SLC36A2: variants seen among roughly 807,000 people sequenced by gnomAD.
SLC36A2 encodes the protein solute carrier family 36 member 2, also known as proton-coupled amino acid transporter 2.
Under a neutral mutation model 42.7 loss-of-function variants are expected in SLC36A2, and 39 were observed. The observed-to-expected ratio is 0.91, with a 90% CI of 0.71 to 1.19. The LOEUF is 1.19. Ranked by LOEUF, SLC36A2 falls within the 50% of genes most tolerant of loss-of-function variation. SLC36A2 has a pLI of 0.00. For missense variants in SLC36A2, 590 were observed against 613.7 expected, an observed-to-expected ratio of 0.96 and a Z score of 0.41; for synonymous variants, 237 against 240.8, an observed-to-expected ratio of 0.98 and a Z score of 0.15.
intron 6 of SLC36A2, among the ~76,000 whole-genome samples, chr5:151,334,288 G>T (rs1218417334): frequency 6.6e-6 from 1 of 152,192 alleles, no homozygotes; most frequent in African/African-American, 2.4e-5. Context: ...CACGGACAAT[G>T]TAACTTTTTT....
intron 7 of SLC36A2, among the ~76,000 whole-genome samples, chr5:151,329,629 T>C (rs1755942611): frequency 6.6e-6 from 1 of 151,972 alleles, no homozygotes; most frequent in South Asian, 2.1e-4. Flanking sequence ...AATGGAAATA[T>C]TATAACTGGA....
chr5:151,338,726 A>G (rs1756231423), intron 5 of SLC36A2: 1 of 240,480 alleles, frequency 4.2e-6, no homozygotes, highest in South Asian at 5.6e-5. Flanking sequence ...ACTAGGAATC[A>G]TCAAAAGAAG....
At chr5:151,338,787 G>A in intron 5 of SLC36A2, 3 of 337,786 alleles carry the variant, frequency 8.9e-6, no homozygotes, top group South Asian at 2.9e-5. Flanking sequence ...CAAGGCAGGA[G>A]GATTAACAAA....
intron 7 of SLC36A2, 108 bp downstream of exon 7, chr5:151,333,116 A>C: frequency 1.0e-6 from 1 of 1,002,412 alleles, no homozygotes; most frequent in Non-Finnish European, 1.6e-6. Flanking sequence ...ATTTTCTAGC[A>C]GGCCCAAAAC....
chr5:151,319,919 C>T (rs1277625133), intron 9 of SLC36A2: 1 of 152,164 alleles, frequency 6.6e-6, no homozygotes. Context: ...CTTCACATCT[C>T]AGAGAATATA....
rs775281043 is a variant in SLC36A2 at position 151,316,911 on chromosome 5, A to G, written c.1358T>C (p.Val453Ala). 2.7e-5 allele frequency: 43 copies of G among 1,614,132 alleles called. 1 individual carries two copies. In the South Asian group the frequency reaches 4.6e-4, roughly 17 times the overall value. ...KDALISILGF[V>A]GFVVGTYQAL... Reference sequence around the variant, plus strand: ...CTGGTAGGTCCCCACCACAAAGCCCACGAAGCCCAGGATGCTGATCAGGGC... The same window carrying G: ...CTGGTAGGTCCCCACCACAAAGCCCGCGAAGCCCAGGATGCTGATCAGGGC... Residue 453 changes from valine (V) to alanine (A), a missense_variant, in exon 10 of 10, where the codon GTG (valine) becomes GCG (alanine). Coordinates refer to ENST00000335244, the MANE Select transcript of SLC36A2 (RefSeq NM_181776.3).
chr5:151,332,995 G>C (rs1051570600), intron 7 of SLC36A2, among the ~76,000 whole-genome samples: 1 of 152,186 alleles, frequency 6.6e-6, no homozygotes, highest in Non-Finnish European at 1.5e-5. Flanking sequence ...TAATAGGCAT[G>C]TGGGGACAAA....
intron 3 of SLC36A2, among the ~76,000 whole-genome samples, chr5:151,343,233 C>T (rs1399458693): frequency 1.3e-5 from 2 of 152,152 alleles, no homozygotes. Context: ...GTTTTCATAT[C>T]CATGATCCCA....
chr5:151,336,162 A>G (rs1756150295), intron 5 of SLC36A2, among the ~76,000 whole-genome samples: 2 of 152,240 alleles, frequency 1.3e-5, no homozygotes, highest in Non-Finnish European at 2.9e-5. Flanking sequence ...CATTGAATGC[A>G]GCCTTTGAGG....
At chr5:151,329,664 A>G (rs1580851285) in intron 7 of SLC36A2, among the ~76,000 whole-genome samples, 2 of 152,022 alleles carry the variant, frequency 1.3e-5, no homozygotes, top group East Asian at 3.9e-4. Context: ...TAAATAACTG[A>G]CTGTAGGGGC....
At chr5:151,343,764 A>G (rs1756415327) in intron 2 of SLC36A2, among the ~76,000 whole-genome samples, 166 bp from the exon 3 acceptor site, 1 of 152,226 alleles carries the variant, frequency 6.6e-6, no homozygotes, top group Non-Finnish European at 1.5e-5. Flanking sequence ...TCTTTCAAAT[A>G]TGACCTCAAG....
At chr5:151,336,663 A>G (rs573518576) in intron 5 of SLC36A2, among the ~76,000 whole-genome samples, 1 of 151,990 alleles carries the variant, frequency 6.6e-6, no homozygotes, top group East Asian at 1.9e-4. Context: ...AGCATGCCCA[A>G]TCATTGTGAT....
In SLC36A2 at chr5:151,343,445, G is replaced by A; in HGVS notation, c.344+65C>T. 5 of 1,481,786 alleles carry A rather than the reference G, an allele frequency of 3.4e-6. No homozygotes were observed. In the South Asian group the frequency reaches 4.5e-5, roughly 13 times the overall value. The allele number at this position is 1,481,786 out of a possible 1,614,324, so 91.8% of individuals were successfully genotyped here. A position where few individuals can be genotyped will look rare whatever the true frequency, so the allele number is the denominator to read the frequency against. On this transcript the variant is annotated intron_variant, in intron 3 of 9. Coordinates refer to ENST00000335244, the MANE Select transcript of SLC36A2 (RefSeq NM_181776.3). ...AGTAAATTTCTATTATGCATAGGAT[G>A]TTTCTGGGCTATCCCTGAGAACCAT... is the stretch of plus-strand genomic sequence containing the variant.
chr5:151,337,540 T>C (rs148316016), intron 5 of SLC36A2, among the ~76,000 whole-genome samples: 15 of 152,338 alleles, frequency 9.8e-5, no homozygotes, highest in African/African-American at 3.6e-4. Flanking sequence ...TAAATGCAGG[T>C]AACAATAAAT....
chr5:151,327,999 A>G (rs1755898214), intron 7 of SLC36A2, among the ~76,000 whole-genome samples: 1 of 152,246 alleles, frequency 6.6e-6, no homozygotes, highest in Non-Finnish European at 1.5e-5. Flanking sequence ...TCACAAGCAC[A>G]TAATAGGCAT....
rs771872498 is a variant in SLC36A2 at position 151,339,080 on chromosome 5, A to G, written c.505T>C (p.Leu169=). Residue 169 remains leucine, a synonymous_variant, in exon 5 of 10, where the codon TTG becomes CTG. Coordinates refer to ENST00000335244, the MANE Select transcript of SLC36A2 (RefSeq NM_181776.3). ...TCTACCTGTTTTAAATTATCAGCCA[A>G]AAACACAATGTACACACAGCAGAAG... ...LGFCCVYIVF[L]ADNLKQVVEA... 1.7e-5 allele frequency: 27 copies of G among 1,610,534 alleles called. No individual in the cohort carries two copies. In the Admixed American group the frequency reaches 2.2e-4, roughly 13 times the overall value.
rs184320290 is a variant in SLC36A2, at chr5:151,333,660, G to A, written c.745-338C>T. Among the ~76,000 whole-genome samples, 34 of 152,144 alleles carry A rather than the reference G, an allele frequency of 2.2e-4. 1 individual carries two copies. In the East Asian group the frequency reaches 6.4e-3, roughly 29 times the overall value. On this transcript the variant is annotated intron_variant, in intron 6 of 9. Transcript: ENST00000335244. ...AGGCAGATCACGAGGTCAGGAGTTC[G>A]AGACCAGCCTGGCCAACATGGTGAA...
chr5:151,330,409 G>A lies in SLC36A2; in HGVS notation c.843+2815C>T, dbSNP rs144309915. On this transcript the variant is annotated intron_variant, in intron 7 of 9. Transcript: ENST00000335244. ...AGAAAGGAAGTCATATTTTCAAAAT[G>A]ATGAAAAAAATTGTCCACCTAGAAT... Among the ~76,000 whole-genome samples the A allele has an allele frequency of 3.2e-3, 487 of 152,226 alleles. 3 individuals carry two copies. In the Middle Eastern group the frequency reaches 0.058, roughly 18 times the overall value.
chr5:151,325,038 T>A, intron 8 of SLC36A2: 1 of 539,328 alleles, frequency 1.9e-6, no homozygotes, highest in South Asian at 1.9e-5. Context: ...CTCACTTGTG[T>A]CCTCTCTTCT....
Sources: allele counts gnomAD v4.1 joint callset (sites outside exome capture counted in the v4.1 genomes callset), GRCh38; gene constraint gnomAD v4.1.1; transcripts MANE v1.5; gene names NCBI Gene and HGNC (gene_info 2026-07-23, HGNC 2026-07-21).